SLC35A1: variants seen among roughly 807,000 people sequenced by gnomAD.
SLC35A1 encodes the protein solute carrier family 35 member A1.
In SLC35A1, 21 loss-of-function variants were observed where a neutral mutation model predicts 40.3. The observed-to-expected ratio is 0.52, with a 90% CI of 0.37 to 0.75. The LOEUF (loss-of-function observed/expected upper bound fraction) is 0.75, where lower values mean the gene tolerates loss of function less well. SLC35A1 is among the 30% of genes least tolerant of loss of function. The pLI is 0.00. For missense variants in SLC35A1, 297 were observed against 382.1 expected (o/e 0.78, Z 1.86); for synonymous variants, 146 against 147.3 (o/e 0.99, Z 0.06).
At chr6:87,487,235 C>T (rs181730260) in intron 2 of SLC35A1, among the ~76,000 whole-genome samples, 3 of 152,112 alleles carry the variant, frequency 2.0e-5, no homozygotes, top group South Asian at 2.1e-4. Flanking sequence ...TAACATAGAA[C>T]CCATGTTGAG....
intron 1 of SLC35A1, among the ~76,000 whole-genome samples, chr6:87,476,615 C>T (rs1769077846): frequency 6.6e-6 from 1 of 151,074 alleles, no homozygotes; most frequent in Non-Finnish European, 1.5e-5. Context: ...ATCCCAGCTG[C>T]TCAGGAGGCT....
At chr6:87,494,930 A>T (rs1323733760) in intron 2 of SLC35A1, among the ~76,000 whole-genome samples, 1 of 152,204 alleles carries the variant, frequency 6.6e-6, no homozygotes, top group African/African-American at 2.4e-5. Flanking sequence ...AAGAAAAGGA[A>T]GTGAAAACAC....
At chr6:87,500,690 A>T in intron 3 of SLC35A1, 23 bp downstream of exon 3, 1 of 1,611,896 alleles carries the variant, frequency 6.2e-7, no homozygotes. Flanking sequence ...AATGATAATG[A>T]AAAGCACAGA....
chr6:87,481,349 G>A (rs775844055), intron 2 of SLC35A1, among the ~76,000 whole-genome samples: 6 of 151,736 alleles, frequency 4.0e-5, no homozygotes, highest in Admixed American at 2.0e-4. Flanking sequence ...CCTGGGAGGC[G>A]GAGGTTGTGG....
At position 87,500,246 on chromosome 6, in the gene SLC35A1, A is replaced by G. The variant is rs557749250; in HGVS notation, c.195-262A>G. 1.1e-4 allele frequency among the ~76,000 whole-genome samples: 17 copies of G among 152,306 alleles called. 1 individual carries two copies. The highest frequency in any genetic ancestry group is 4.1e-4 in the African/African-American group (17 of 41,574). Reference sequence around the variant, plus strand: ...AGTTTTCCTAATCTCATTATTCAATATACTCAGAATCTCTCAGAGCTTTGA... The same window carrying G: ...AGTTTTCCTAATCTCATTATTCAATGTACTCAGAATCTCTCAGAGCTTTGA... On this transcript the variant is annotated intron_variant, in intron 2 of 7. Coordinates refer to ENST00000369552, the MANE Select transcript of SLC35A1 (RefSeq NM_006416.5).
chr6:87,503,179 ACATAT>A (rs1464550291), intron 4 of SLC35A1, among the ~76,000 whole-genome samples: 2 of 152,146 alleles, frequency 1.3e-5, no homozygotes, highest in African/African-American at 4.8e-5. Flanking sequence ...TGCTTACTGA[ACATAT>A]CATCTCTCAT....
rs151262466 is a variant in SLC35A1, at chr6:87,486,473, C to G, written c.194+8934C>G. Among the ~76,000 whole-genome samples the G allele has an allele frequency of 4.2e-3, 636 of 152,216 alleles. 3 individuals are homozygous for G. Among genetic ancestry groups the G allele is most frequent in the African/African-American group, 0.014 (596 of 41,520 alleles). Reference sequence around the variant, plus strand: ...ATACCTATCAAACCTCAATTATATACTCAACACTATTCTAGTGTTTTCACT... The same window carrying G: ...ATACCTATCAAACCTCAATTATATAGTCAACACTATTCTAGTGTTTTCACT... On this transcript the variant is annotated intron_variant, in intron 2 of 7. Coordinates refer to ENST00000369552, the MANE Select transcript of SLC35A1 (RefSeq NM_006416.5).
chr6:87,483,199 G>GTCTCTT (rs1247579466), intron 2 of SLC35A1, among the ~76,000 whole-genome samples: 1 of 151,300 alleles, frequency 6.6e-6, no homozygotes, highest in Non-Finnish European at 1.5e-5. Flanking sequence ...CTGACTCTCT[G>GTCTCTT]TCTCTTTCTC....
chr6:87,494,218 G>C (rs1239310088), intron 2 of SLC35A1, among the ~76,000 whole-genome samples: 1 of 151,938 alleles, frequency 6.6e-6, no homozygotes, highest in Non-Finnish European at 1.5e-5. Context: ...ATGGGCATTT[G>C]GGTTGTCTCC....
rs1769128851 is a variant in SLC35A1 at position 87,478,117 on chromosome 6, C to T, written c.194+578C>T. Among the ~76,000 whole-genome samples the T allele has an allele frequency of 2.0e-5, 3 of 152,308 alleles. No individual in the cohort carries two copies. The South Asian group carries it at 6.2e-4, about 32-fold the overall frequency. ...GTACTTTACCCCTGTTTTATTGACGCAGCATCTGAGGTTCCTTAAGATTAC... is the reference window on the plus strand; with the variant it reads ...GTACTTTACCCCTGTTTTATTGACGTAGCATCTGAGGTTCCTTAAGATTAC... On this transcript the variant is annotated intron_variant, in intron 2 of 7. Coordinates refer to ENST00000369552, the MANE Select transcript of SLC35A1 (RefSeq NM_006416.5).
chr6:87,474,287 A>G (rs929481598), intron 1 of SLC35A1, among the ~76,000 whole-genome samples: 6 of 152,362 alleles, frequency 3.9e-5, no homozygotes, highest in African/African-American at 1.2e-4. Flanking sequence ...CCGAATATCC[A>G]CAAAGGATTT....
intron 2 of SLC35A1, among the ~76,000 whole-genome samples, chr6:87,484,865 T>G (rs1272312706): frequency 1.3e-5 from 2 of 152,214 alleles, no homozygotes; most frequent in East Asian, 1.9e-4. Context: ...AGAACTCGTA[T>G]CTAACAGATG....
intron 2 of SLC35A1, among the ~76,000 whole-genome samples, chr6:87,485,039 A>G (rs1354610511): frequency 6.6e-6 from 1 of 152,256 alleles, no homozygotes. Context: ...TTCTTTGTAC[A>G]CATATTAAAA....
chr6:87,498,096 A>G (rs1769797928), intron 2 of SLC35A1, among the ~76,000 whole-genome samples: 1 of 152,138 alleles, frequency 6.6e-6, no homozygotes, highest in South Asian at 2.1e-4. Flanking sequence ...GGGAAAGGAT[A>G]AATAGCCATT....
intron 1 of SLC35A1, 65 bp downstream of exon 1, chr6:87,473,084 T>G: frequency 2.3e-6 from 1 of 434,414 alleles, no homozygotes. Context: ...GCATCTGCGC[T>G]GGTCAGCCCC....
chr6:87,510,372 A>G (rs1770226608), intron 7 of SLC35A1, among the ~76,000 whole-genome samples: 1 of 152,144 alleles, frequency 6.6e-6, no homozygotes, highest in East Asian at 1.9e-4. Context: ...CTTTTGTTTA[A>G]TGTTCTTACT....
Sources: gnomAD v4.1 joint callset for allele counts (sites outside exome capture counted in the v4.1 genomes callset) on GRCh38, gnomAD v4.1.1 for gene constraint, MANE v1.5 for transcripts, NCBI Gene and HGNC (gene_info 2026-07-23, HGNC 2026-07-21) for gene names.